The following SLC45A4 variants were observed in gnomAD, a reference collection of about 807,000 sequenced individuals.
The protein encoded by SLC45A4 is polyamine-transporter SLC45A4.
Under a neutral mutation model 63.7 loss-of-function variants are expected in SLC45A4, and 32 were observed. The ratio of observed to expected loss-of-function variants is 0.50; its 90% CI spans 0.38 to 0.67. The LOEUF is 0.67. Ranked by LOEUF, SLC45A4 falls within the 30% of genes least tolerant of loss-of-function variation. The pLI, the probability that SLC45A4 is intolerant of heterozygous loss-of-function variation, is 0.00. For missense variants in SLC45A4, 1,027 were observed against 1,157.7 expected (o/e 0.89, Z 1.64); for synonymous variants, 535 against 510.0 (o/e 1.05, Z -0.66).
chr8:141,257,167 A>G (rs969277722), intron 1 of SLC45A4, among the ~76,000 whole-genome samples: 2 of 152,194 alleles, frequency 1.3e-5, no homozygotes, highest in Non-Finnish European at 2.9e-5. Context: ...TATTTCTAAC[A>G]TATGCAAAGT....
chr8:141,293,975 G>A (rs1374986711), intron 1 of SLC45A4, among the ~76,000 whole-genome samples: 1 of 151,054 alleles, frequency 6.6e-6, no homozygotes, highest in East Asian at 1.9e-4. Context: ...AATCATCCGC[G>A]GTAAAGATCT....
In SLC45A4 at chr8:141,212,150, GCCCACCCGCCCA is replaced by G. The variant is rs751708151; in HGVS notation, c.2301+35_2301+46del. 40 of 889,464 alleles carry G rather than the reference GCCCACCCGCCCA, an allele frequency of 4.5e-5. 3 individuals are homozygous for G. The African/African-American group carries it at 7.5e-4, about 17-fold the overall frequency. The allele number at this position is 889,464 out of a possible 1,614,324, so 55.1% of individuals were successfully genotyped here. A position where few individuals can be genotyped will look rare whatever the true frequency, so the allele number is the denominator to read the frequency against. ...GCCTGGCCCCGCCGCCCGCCCGCCCGCCCACCCGCCCACTGGAATGTGTGTAAACGGGAGTGC... is the reference window on the plus strand; with the variant it reads ...GCCTGGCCCCGCCGCCCGCCCGCCCGCTGGAATGTGTGTAAACGGGAGTGC... On this transcript the variant is annotated intron_variant, in intron 8 of 8. Coordinates refer to ENST00000517878, the MANE Select transcript of SLC45A4 (RefSeq NM_001286646.2).
intron 2 of SLC45A4, among the ~76,000 whole-genome samples, chr8:141,242,620 G>A (rs745423662): frequency 1.3e-5 from 2 of 152,198 alleles, no homozygotes; most frequent in Non-Finnish European, 2.9e-5. Flanking sequence ...TGGTACATCG[G>A]TGAGTGCCCC....
rs745428985 is a variant in SLC45A4, at chr8:141,210,805, C to G, written c.*767G>C. ...TGTCTGACTTTATCTGTGTGATGTG[C>G]GGGGCCTCCCTGTCTCCTGATCTCA... On this transcript the variant is annotated 3_prime_UTR_variant, in exon 9 of 9. Transcript: ENST00000517878. The G allele has an allele frequency of 1.3e-5, 2 of 152,164 alleles. No individual in the cohort carries two copies. The highest frequency in any genetic ancestry group is 4.1e-4 in the South Asian group (2 of 4,828). The allele number at this position is 152,164 out of a possible 1,614,324, so 9.4% of individuals were successfully genotyped here.
At position 141,219,748 on chromosome 8, in the gene SLC45A4, C is replaced by T; in HGVS notation, c.512G>A (p.Ser171Asn). 1.2e-6 allele frequency: 2 copies of T among 1,604,018 alleles called. No homozygotes were observed. The highest frequency in any genetic ancestry group is 1.7e-4 in the Middle Eastern group (1 of 6,042). ...GATGGGCCCCTCGGTGGCATCGGCG[C>T]TGAAGTCCAGGACCACCACTCCCAG... ...TVLGVVVLDF[S>N]ADATEGPIRA... is the part of the protein sequence containing the mutation. Residue 171 changes from serine (S) to asparagine (N), a missense_variant, in exon 4 of 9, where the codon AGC (serine) becomes AAC (asparagine). Transcript: ENST00000517878.
chr8:141,207,532 A>C lies in SLC45A4; in HGVS notation c.*4040T>G, dbSNP rs1220502356. The stretch of plus-strand genomic sequence containing the variant: ...AGCGCGATTACAGTGCTCCAACTTA[A>C]TAAGTTGATAAAAAGCTGTCCCGTG... On this transcript the variant is annotated 3_prime_UTR_variant, in exon 9 of 9. Transcript: ENST00000517878. 1.3e-5 allele frequency: 2 copies of C among 152,262 alleles called. No homozygotes were observed. Among genetic ancestry groups the C allele is most frequent in the Non-Finnish European group, 2.9e-5 (2 of 68,048 alleles). 9.4% of individuals were successfully genotyped at this position (152,262 alleles called of 1,614,324 possible). A position where few individuals can be genotyped will look rare whatever the true frequency, so the allele number is the denominator to read the frequency against.
At chr8:141,230,542 G>A (rs1827288097) in intron 2 of SLC45A4, among the ~76,000 whole-genome samples, 1 of 152,234 alleles carries the variant, frequency 6.6e-6, no homozygotes. Context: ...CCAGCTCCAG[G>A]ATGGGGTAAG....
intron 2 of SLC45A4, among the ~76,000 whole-genome samples, chr8:141,249,517 A>T (rs1245654539): frequency 2.0e-5 from 3 of 152,196 alleles, no homozygotes; most frequent in African/African-American, 7.2e-5. Context: ...AACAGGCAGC[A>T]CCATGACAAC....
At chr8:141,267,855 G>A (rs981375869) in intron 1 of SLC45A4, among the ~76,000 whole-genome samples, 45 of 152,190 alleles carry the variant, frequency 3.0e-4, no homozygotes, top group African/African-American at 1.0e-3. Flanking sequence ...GCTCGTTCAC[G>A]GTTGGCAGAA....
intron 2 of SLC45A4, among the ~76,000 whole-genome samples, chr8:141,224,125 T>C (rs893040831): frequency 2.0e-5 from 3 of 152,098 alleles, no homozygotes; most frequent in Non-Finnish European, 4.4e-5. Context: ...GCACACAGAA[T>C]TCTGGGTTAA....
chr8:141,290,936 C>T (rs1830324504), intron 1 of SLC45A4, among the ~76,000 whole-genome samples: 1 of 152,234 alleles, frequency 6.6e-6, no homozygotes, highest in African/African-American at 2.4e-5. Flanking sequence ...GTAACCTCCG[C>T]CTCCTGGGCT....
intron 7 of SLC45A4, among the ~76,000 whole-genome samples, chr8:141,214,148 C>T (rs1825996930): frequency 6.7e-6 from 1 of 149,648 alleles, no homozygotes; most frequent in South Asian, 2.1e-4. Context: ...GCCGAGATTG[C>T]ACCACTGCAC....
At chr8:141,265,518 G>A (rs771403731) in intron 1 of SLC45A4, among the ~76,000 whole-genome samples, 27 of 152,134 alleles carry the variant, frequency 1.8e-4, no homozygotes, top group Non-Finnish European at 2.9e-4. Context: ...CAAGCAAATT[G>A]TTTTCTGTAA....
At chr8:141,286,844 A>C (rs1830166677) in intron 1 of SLC45A4, among the ~76,000 whole-genome samples, 1 of 151,398 alleles carries the variant, frequency 6.6e-6, no homozygotes, top group South Asian at 2.1e-4. Context: ...GCTGCTCTTC[A>C]CAAACTACTT....
At position 141,215,704 on chromosome 8, in the gene SLC45A4, G is replaced by A; in HGVS notation, c.1941+55C>T. 3 of 1,571,256 alleles carry A rather than the reference G, an allele frequency of 1.9e-6. No individual in the cohort carries two copies. Among genetic ancestry groups the A allele is most frequent in the South Asian group, 1.1e-5 (1 of 90,174 alleles). ...GAAGCACAGGGCTCTGCTCTGTATG[G>A]AGGGAAGGCACTCAGGAGGCTGGAG... On this transcript the variant is annotated intron_variant, in intron 7 of 8. Coordinates refer to ENST00000517878, the MANE Select transcript of SLC45A4 (RefSeq NM_001286646.2). The surrounding 1 kb of genome is among the most constrained non-coding windows in gnomAD (Gnocchi z 4.3).
At position 141,218,969 on chromosome 8, in the gene SLC45A4, C is replaced by T; in HGVS notation, c.671G>A (p.Gly224Asp). Reference protein sequence around the residue: ...GGLDWTQTFLGSWFRTQNQVL... With the variant: ...GGLDWTQTFLDSWFRTQNQVL... ...CTGGTTCTGGGTCCGGAACCAGCTG[C>T]CCAGGAAGGTCTGGGTCCAGTCCAG... Residue 224 changes from glycine to aspartate, a missense_variant, in exon 5 of 9, where the codon GGC becomes GAC. Gly to Asp is a moderately conservative substitution (Grantham distance 94). Coordinates refer to ENST00000517878, the MANE Select transcript of SLC45A4 (RefSeq NM_001286646.2). The T allele has an allele frequency of 1.2e-6, 2 of 1,613,532 alleles. No homozygotes were observed. Among genetic ancestry groups the T allele is most frequent in the Non-Finnish European group, 1.7e-6 (2 of 1,179,934 alleles).
At chr8:141,240,614 C>G (rs1260661604) in intron 2 of SLC45A4, among the ~76,000 whole-genome samples, 1 of 152,170 alleles carries the variant, frequency 6.6e-6, no homozygotes, top group Non-Finnish European at 1.5e-5. Context: ...GGGACAGTGC[C>G]TGTTGTCCCA....
In SLC45A4 at chr8:141,254,570, G is replaced by A. The variant is rs1050014611; in HGVS notation, c.-341C>T. The A allele has an allele frequency of 1.0e-5, 7 of 702,536 alleles. No individual in the cohort carries two copies. Among genetic ancestry groups the A allele is most frequent in the South Asian group, 8.9e-5 (6 of 67,600 alleles). The allele number at this position is 702,536 out of a possible 1,614,324, so 43.5% of individuals were successfully genotyped here. ...GAAGTGATTTTTCTTGCTACAGAGA[G>A]GTGGGAAGGTGATACAAACAGGTGG... On this transcript the variant is annotated 5_prime_UTR_variant, in exon 2 of 9. Transcript: ENST00000517878. This position sits in a 1 kb window ranked among gnomAD's most constrained non-coding sequence, Gnocchi z 4.5.
intron 2 of SLC45A4, chr8:141,252,191 T>A (rs960466205): frequency 1.3e-5 from 2 of 152,072 alleles, no homozygotes; most frequent in Admixed American, 1.3e-4. Flanking sequence ...AATGACAGAT[T>A]TTTTTAAAAC....
Sources: gnomAD v4.1 joint callset for allele counts (sites outside exome capture counted in the v4.1 genomes callset) on GRCh38, gnomAD v4.1.1 for gene constraint, Gnocchi (gnomAD v3.1) non-coding constraint, MANE v1.5 for transcripts, NCBI Gene and HGNC (gene_info 2026-07-23, HGNC 2026-07-21) for gene names.